KDELR1: variants seen among roughly 807,000 people sequenced by gnomAD.
KDELR1 encodes the protein ER lumen protein-retaining receptor 1.
KDELR1 carries 16 observed loss-of-function variants against 25.5 expected under a neutral mutation model. The observed-to-expected ratio is 0.63, with a 90% confidence interval of 0.43 to 0.95. KDELR1 has a LOEUF of 0.95. Ranked by LOEUF, KDELR1 falls within the 40% of genes least tolerant of loss-of-function variation. The pLI, the probability that KDELR1 is intolerant of heterozygous loss-of-function variation, is 0.00. For missense variants in KDELR1, 159 were observed against 265.2 expected, an observed-to-expected ratio of 0.60 and a Z score of 2.78; for synonymous variants, 121 against 115.0, an observed-to-expected ratio of 1.05 and a Z score of -0.33.
At chr19:48,394,625 C>CA, upstream of KDELR1, among the ~76,000 whole-genome samples, 2 of 152,152 alleles carry the variant, frequency 1.3e-5, no homozygotes, top group Non-Finnish European at 2.9e-5. This position sits in a 1 kb window ranked among gnomAD's most constrained non-coding sequence, Gnocchi z 5.1. Context: ...GACACCCCGA[C>CA]AGCCTCTGCA....
At position 48,384,036 on chromosome 19, in the gene KDELR1, C is replaced by T. The variant is rs1487032515; in HGVS notation, c.604+194G>A. Among the ~76,000 whole-genome samples the T allele has an allele frequency of 6.6e-6, 1 of 152,220 alleles. No individual in the cohort carries two copies. The highest frequency in any genetic ancestry group is 1.5e-5 in the Non-Finnish European group (1 of 68,044). The stretch of plus-strand genomic sequence containing the variant: ...GTGACATGGGGGCTAAGGACAGAAA[C>T]TCCTTAGCCCTTAGGGAGGCAGAGG... On this transcript the variant is annotated intron_variant, in intron 4 of 4. Coordinates refer to ENST00000330720, the MANE Select transcript of KDELR1 (RefSeq NM_006801.3). This position sits in a 1 kb window ranked among gnomAD's most constrained non-coding sequence, Gnocchi z 4.6.
chr19:48,383,818 C>T (rs1007000840), intron 4 of KDELR1, among the ~76,000 whole-genome samples: 56 of 152,070 alleles, frequency 3.7e-4, no homozygotes, highest in African/African-American at 1.2e-3. Context: ...TCTTTCTTTA[C>T]TTGTTCATTC....
Position 48,383,008 on chromosome 19 carries a change from TG to T in KDELR1, c.*284del, listed in dbSNP as rs1970468349. 1 of 489,038 alleles carries T rather than the reference TG, an allele frequency of 2.0e-6. No individual in the cohort carries two copies. Among genetic ancestry groups the T allele is most frequent in the African/African-American group, 2.0e-5 (1 of 50,872 alleles). 30.3% of individuals were successfully genotyped at this position (489,038 alleles called of 1,614,324 possible). A position where few individuals can be genotyped will look rare whatever the true frequency, so the allele number is the denominator to read the frequency against. On this transcript the variant is annotated 3_prime_UTR_variant, in exon 5 of 5. Transcript: ENST00000330720. ...ACACTCAAAAACACTTTATAAAAAT[TG>T]GGGCCACAGAGTAGAAGAAAAACGA...
At chr19:48,391,199 G>A (rs1970546825) in intron 1 of KDELR1, 69 bp downstream of exon 1, 24 of 1,371,802 alleles carry the variant, frequency 1.7e-5, no homozygotes, top group Non-Finnish European at 2.3e-5. Flanking sequence ...AACCCTTCCT[G>A]AGTCCTGCGA....
upstream of KDELR1, among the ~76,000 whole-genome samples, chr19:48,396,351 G>A (rs1403737470): frequency 2.0e-5 from 3 of 152,034 alleles, no homozygotes; most frequent in Non-Finnish European, 2.9e-5. Context: ...TGCAGCCCCC[G>A]TGAGAAGGGT....
intron 3 of KDELR1, among the ~76,000 whole-genome samples, chr19:48,387,518 C>T (rs1298572730): frequency 6.6e-6 from 1 of 151,834 alleles, no homozygotes; most frequent in Non-Finnish European, 1.5e-5. Context: ...CCCATCTCTA[C>T]TAGAAACACA....
chr19:48,392,271 C>CAGG (rs1970567184), upstream of KDELR1, among the ~76,000 whole-genome samples: 1 of 150,524 alleles, frequency 6.6e-6, no homozygotes, highest in Non-Finnish European at 1.5e-5. Context: ...CCCTCAGACC[C>CAGG]AGGAGTCCAG....
At chr19:48,393,137 C>A (rs1323310451), upstream of KDELR1, among the ~76,000 whole-genome samples, 1 of 151,368 alleles carries the variant, frequency 6.6e-6, no homozygotes, top group African/African-American at 2.4e-5. This position sits in a 1 kb window ranked among gnomAD's most constrained non-coding sequence, Gnocchi z 5.6. Context: ...GGGGGAGAGT[C>A]GGGATGACTG....
Position 48,384,627 on chromosome 19 carries a change from C to T in KDELR1, c.352-145G>A, listed in dbSNP as rs1001215324. On this transcript the variant is annotated intron_variant, in intron 3 of 4. Coordinates refer to ENST00000330720, the MANE Select transcript of KDELR1 (RefSeq NM_006801.3). This position sits in a 1 kb window ranked among gnomAD's most constrained non-coding sequence, Gnocchi z 4.6. ...GCCAAGTGCCAGACACAGTTCTGCC[C>T]GAGTTACTGGTACCTCTGATTTAAT... The T allele has an allele frequency of 7.1e-6, 7 of 990,504 alleles. No homozygotes were observed. The highest frequency in any genetic ancestry group is 3.2e-4 in the Middle Eastern group (1 of 3,088). 61.4% of individuals were successfully genotyped at this position (990,504 alleles called of 1,614,324 possible).
At chr19:48,389,479 G>A (rs1421751940) in intron 3 of KDELR1, 74 bp downstream of exon 3, 2 of 1,568,270 alleles carry the variant, frequency 1.3e-6, no homozygotes, top group Admixed American at 1.7e-5. Flanking sequence ...AAGGAAGCCT[G>A]TGAGAGGGTC....
At chr19:48,390,871 C>T in intron 1 of KDELR1, 1 of 437,656 alleles carries the variant, frequency 2.3e-6, no homozygotes, top group Non-Finnish European at 4.2e-6. Flanking sequence ...TGAGGTGAGG[C>T]CTAGGGAGGA....
At chr19:48,396,452 G>A (rs925841688), upstream of KDELR1, among the ~76,000 whole-genome samples, 4 of 152,030 alleles carry the variant, frequency 2.6e-5, no homozygotes, top group African/African-American at 9.7e-5. Flanking sequence ...TCTGGGAGAG[G>A]CAGAGGAGGG....
rs1970476871 is a variant in KDELR1 at position 48,384,198 on chromosome 19, G to T, written c.604+32C>A. The T allele has an allele frequency of 1.2e-6, 2 of 1,610,466 alleles. No individual in the cohort carries two copies. The highest frequency in any genetic ancestry group is 2.2e-5 in the East Asian group (1 of 44,794). Reference sequence around the variant, plus strand: ...AGGGCAGGAGCTGCAGAAATAGGAGGTTCCCTTCCAGCCGTCCCACATTCC... The same window carrying T: ...AGGGCAGGAGCTGCAGAAATAGGAGTTTCCCTTCCAGCCGTCCCACATTCC... On this transcript the variant is annotated intron_variant, in intron 4 of 4. Transcript: ENST00000330720. The surrounding 1 kb of genome is among the most constrained non-coding windows in gnomAD (Gnocchi z 4.6).
At chr19:48,394,557 G>A (rs1234513478), upstream of KDELR1, among the ~76,000 whole-genome samples, 2 of 149,464 alleles carry the variant, frequency 1.3e-5, no homozygotes, top group Non-Finnish European at 3.0e-5. This position sits in a 1 kb window ranked among gnomAD's most constrained non-coding sequence, Gnocchi z 5.1. Context: ...TGAAGCGGCA[G>A]AGGGGGGCAC....
At chr19:48,391,088 C>T (rs1304093299) in intron 1 of KDELR1, among the ~76,000 whole-genome samples, 180 bp downstream of exon 1, 1 of 152,178 alleles carries the variant, frequency 6.6e-6, no homozygotes, top group Non-Finnish European at 1.5e-5. Context: ...TATGCACCCC[C>T]GCCAGTCTGG....
upstream of KDELR1, among the ~76,000 whole-genome samples, chr19:48,396,024 G>A (rs1325564498): frequency 5.9e-5 from 9 of 152,130 alleles, no homozygotes; most frequent in Non-Finnish European, 7.4e-5. Context: ...GGGTCTTTAC[G>A]GGAGGAGGTA....
chr19:48,392,232 T>G (rs1429558736), upstream of KDELR1, among the ~76,000 whole-genome samples: 1 of 25,806 alleles, frequency 3.9e-5, no homozygotes, highest in African/African-American at 1.5e-4. Context: ...CTCCCCCAGA[T>G]CCAGGAGTCC....
intron 1 of KDELR1, 39 bp from the exon 2 acceptor site, chr19:48,390,563 CAG>C (rs575099358): frequency 0.037 from 32,770 of 890,442 alleles, no homozygotes; most frequent in South Asian, 0.049. Flanking sequence ...GAGAGAGAGA[CAG>C]AGAGAGAGAG....
upstream of KDELR1, among the ~76,000 whole-genome samples, chr19:48,393,567 C>A (rs1970588552): frequency 6.6e-6 from 1 of 152,102 alleles, no homozygotes; most frequent in Admixed American, 6.5e-5. The surrounding 1 kb of genome is among the most constrained non-coding windows in gnomAD (Gnocchi z 5.6). Context: ...TGGGGGGCGG[C>A]CCCCTCCCCA....
Sources: gnomAD v4.1 joint callset for allele counts (sites outside exome capture counted in the v4.1 genomes callset) on GRCh38, gnomAD v4.1.1 for gene constraint, Gnocchi (gnomAD v3.1) non-coding constraint, MANE v1.5 for transcripts, NCBI Gene and HGNC (gene_info 2026-07-23, HGNC 2026-07-21) for gene names.